GARIN1A: variants seen among roughly 807,000 people sequenced by gnomAD.
The protein encoded by GARIN1A is Golgi-associated RAB2 interactor protein 1A.
At chr7:128,705,392 G>A in the GARIN1A span, among the ~76,000 whole-genome samples, 9 of 152,072 alleles carry the variant, frequency 5.9e-5, no homozygotes, top group Admixed American at 2.0e-4. Flanking sequence ...TTGTTTTCTC[G>A]GCAGGAGTGC....
chr7:128,702,205 T>G, the GARIN1A span, among the ~76,000 whole-genome samples: 36 of 152,254 alleles, frequency 2.4e-4, no homozygotes, highest in Non-Finnish European at 5.9e-5. Context: ...GACTGAAACT[T>G]GAATCTGCAC....
the GARIN1A span, among the ~76,000 whole-genome samples, chr7:128,707,699 C>T: frequency 4.6e-5 from 7 of 152,082 alleles, no homozygotes; most frequent in African/African-American, 9.7e-5. Flanking sequence ...ATGATCCTCC[C>T]GCCTTGGCCT....
chr7:128,686,535 T>C, the GARIN1A span: 1 of 152,158 alleles, frequency 6.6e-6, no homozygotes, highest in Admixed American at 6.5e-5. Context: ...TCTTCCCAAC[T>C]CATTCCCTTT....
chr7:128,701,745 A>G, the GARIN1A span, among the ~76,000 whole-genome samples: 856 of 152,250 alleles, frequency 5.6e-3, 12 homozygotes, highest in African/African-American at 0.02. Flanking sequence ...AAGGAGACGT[A>G]AAGAACGAGG....
At chr7:128,692,557 A>C in the GARIN1A span, among the ~76,000 whole-genome samples, 1 of 152,242 alleles carries the variant, frequency 6.6e-6, no homozygotes, top group East Asian at 1.9e-4. Context: ...CATCTGCAAA[A>C]ACAATCCCCA....
the GARIN1A span, among the ~76,000 whole-genome samples, chr7:128,703,995 A>G: frequency 1.3e-5 from 2 of 152,182 alleles, no homozygotes; most frequent in African/African-American, 2.4e-5. Context: ...AAAAAAATCA[A>G]CTGAATGTCA....
the GARIN1A span, among the ~76,000 whole-genome samples, chr7:128,679,404 G>C: frequency 6.6e-6 from 1 of 152,058 alleles, no homozygotes; most frequent in Non-Finnish European, 1.5e-5. Context: ...TGTTGGCCAG[G>C]ATGGTCTCGA....
the GARIN1A span, chr7:128,677,919 C>T: frequency 5.3e-6 from 5 of 945,676 alleles, no homozygotes; most frequent in South Asian, 2.1e-5. Context: ...TTTAAAAGCT[C>T]TTTGTAAATA....
the GARIN1A span, among the ~76,000 whole-genome samples, chr7:128,696,644 A>G: frequency 2.6e-5 from 4 of 152,168 alleles, no homozygotes; most frequent in African/African-American, 9.7e-5. Context: ...CCTCCTGGGC[A>G]ATAGAACAAG....
chr7:128,697,155 G>T, the GARIN1A span, among the ~76,000 whole-genome samples: 1 of 152,170 alleles, frequency 6.6e-6, no homozygotes, highest in East Asian at 1.9e-4. Flanking sequence ...TTTTAGTTGG[G>T]ATTCACTCTG....
chr7:128,672,654 GGGGC>G, the GARIN1A span: 1 of 671,638 alleles, frequency 1.5e-6, no homozygotes, highest in Non-Finnish European at 2.3e-6. Context: ...GGGGGAGGGG[GGGGC>G]GGGGGGACAA....
chr7:128,677,876 T>C, the GARIN1A span: 5 of 1,366,944 alleles, frequency 3.7e-6, no homozygotes, highest in South Asian at 1.4e-5. Context: ...TATGTAAGTG[T>C]CTGTGTATAT....
At chr7:128,692,289 TA>T in the GARIN1A span, among the ~76,000 whole-genome samples, 2 of 152,218 alleles carry the variant, frequency 1.3e-5, no homozygotes, top group Admixed American at 6.5e-5. Context: ...TTAAAGTGTC[TA>T]TTTCTTGTTA....
the GARIN1A span, among the ~76,000 whole-genome samples, chr7:128,688,224 A>C: frequency 6.6e-6 from 1 of 152,096 alleles, no homozygotes; most frequent in African/African-American, 2.4e-5. Flanking sequence ...GTTGGCCAGG[A>C]TGGTCTCGAT....
At chr7:128,681,894 AC>A in the GARIN1A span, among the ~76,000 whole-genome samples, 2 of 101,386 alleles carry the variant, frequency 2.0e-5, 1 homozygote, top group Non-Finnish European at 4.2e-5. Flanking sequence ...CCCCCCCACA[AC>A]CCCCCTGGCC....
At chr7:128,672,612 G>T in the GARIN1A span, 15 of 940,708 alleles carry the variant, frequency 1.6e-5, no homozygotes, top group South Asian at 2.5e-4. Context: ...CCTAGGGGTT[G>T]GTTAGGAGAT....
chr7:128,680,184 C>A, the GARIN1A span: 1 of 1,307,778 alleles, frequency 7.6e-7, no homozygotes, highest in South Asian at 1.4e-5. Context: ...CAGATCCCTT[C>A]CTCCAGTGTG....
the GARIN1A span, chr7:128,691,376 C>A: frequency 6.6e-6 from 1 of 152,210 alleles, no homozygotes; most frequent in East Asian, 1.9e-4. Flanking sequence ...GGGGTCAGGA[C>A]AACTATTTCC....
At chr7:128,686,600 G>C in the GARIN1A span, 3 of 152,304 alleles carry the variant, frequency 2.0e-5, no homozygotes, top group Admixed American at 2.0e-4. Context: ...AAAGGACCAG[G>C]CACGGTGGCT....
Sources: gnomAD v4.1 joint callset for allele counts (sites outside exome capture counted in the v4.1 genomes callset) on GRCh38, gnomAD v4.1.1 for gene constraint, MANE v1.5 for transcripts, NCBI Gene and HGNC (gene_info 2026-07-23, HGNC 2026-07-21) for gene names.